The following GALNT13 variants were observed in gnomAD, a reference collection of about 807,000 sequenced individuals.
GALNT13 encodes polypeptide N-acetylgalactosaminyltransferase 13, also known as UDP-GalNAc:polypeptide N-acetylgalactosaminyltransferase 13.
GALNT13 carries 28 observed loss-of-function variants against 64.2 expected under a neutral mutation model. The observed-to-expected ratio is 0.44, with a 90% CI of 0.32 to 0.60. The LOEUF (loss-of-function observed/expected upper bound fraction) is 0.60. Ranked by LOEUF, GALNT13 falls within the 20% of genes least tolerant of loss-of-function variation. The probability of loss-of-function intolerance (pLI) is 0.05; values close to 1 mark genes in which losing one functional copy is unlikely to be tolerated. For missense variants in GALNT13, 577 were observed against 669.8 expected (o/e 0.86, Z 1.53); for synonymous variants, 214 against 224.6 (o/e 0.95, Z 0.42).
intron 3 of GALNT13, among the ~76,000 whole-genome samples, chr2:154,085,782 A>G (rs1278445672): frequency 1.3e-5 from 2 of 152,052 alleles, no homozygotes; most frequent in South Asian, 2.1e-4. Flanking sequence ...GAAGTACGTT[A>G]TAGGTCAGAT....
At chr2:153,355,825 C>A in the GALNT13 span, among the ~76,000 whole-genome samples, 1 of 152,164 alleles carries the variant, frequency 6.6e-6, no homozygotes, top group Non-Finnish European at 1.5e-5. Context: ...GACTGTGTGA[C>A]TCATAATAAG....
At chr2:154,192,195 G>T (rs1382870054) in intron 4 of GALNT13, among the ~76,000 whole-genome samples, 1 of 152,124 alleles carries the variant, frequency 6.6e-6, no homozygotes, top group Non-Finnish European at 1.5e-5. Context: ...TTCTCTCCAC[G>T]TCCAGCCACT....
chr2:153,593,403 C>G, the GALNT13 span: 1 of 152,258 alleles, frequency 6.6e-6, no homozygotes, highest in Admixed American at 6.5e-5. Flanking sequence ...TCACCCCCAT[C>G]CCCCACAGCA....
At chr2:153,336,257 C>A in the GALNT13 span, among the ~76,000 whole-genome samples, 1 of 152,106 alleles carries the variant, frequency 6.6e-6, no homozygotes, top group African/African-American at 2.4e-5. Context: ...AGAGGGCCAT[C>A]GTCCTCCAGA....
At chr2:153,423,256 A>AT in the GALNT13 span, among the ~76,000 whole-genome samples, 292 of 152,046 alleles carry the variant, frequency 1.9e-3, no homozygotes, top group African/African-American at 6.7e-3. Context: ...GAAATTAACA[A>AT]TTTTTAAAAC....
chr2:153,207,618 T>C, the GALNT13 span, among the ~76,000 whole-genome samples: 1 of 152,164 alleles, frequency 6.6e-6, no homozygotes, highest in Admixed American at 6.5e-5. Context: ...AAGAGAAAGA[T>C]AAAGAATTAA....
intron 9 of GALNT13, among the ~76,000 whole-genome samples, chr2:154,358,485 C>T (rs1023734724): frequency 1.7e-4 from 26 of 151,886 alleles, no homozygotes; most frequent in African/African-American, 4.8e-4. Context: ...TTTACAATTC[C>T]GTATATATTA....
the GALNT13 span, among the ~76,000 whole-genome samples, chr2:153,308,617 G>C: frequency 2.0e-5 from 3 of 152,174 alleles, no homozygotes; most frequent in African/African-American, 7.2e-5. Context: ...ATAGCCTAGA[G>C]TTCTTGTTCT....
At chr2:154,149,245 C>T (rs557345789) in intron 4 of GALNT13, among the ~76,000 whole-genome samples, 23 of 152,110 alleles carry the variant, frequency 1.5e-4, no homozygotes, top group East Asian at 1.4e-3. Context: ...TGTAGATATG[C>T]GGCGTTATTT....
rs73965343 is a variant in GALNT13, at chr2:153,987,233, G to A, written c.142+42594G>A. ...ATGCTGATTTCATTTAAATAAAATC[G>A]GGCAAGTCTGTGGGAAGAAGAATTG... is the stretch of plus-strand genomic sequence containing the variant. On this transcript the variant is annotated intron_variant, in intron 3 of 12. Transcript: ENST00000392825. Among the ~76,000 whole-genome samples, 644 of 151,944 alleles carry A rather than the reference G, an allele frequency of 4.2e-3. 6 individuals are homozygous for A. Among genetic ancestry groups the A allele is most frequent in the African/African-American group, 0.015 (628 of 41,516 alleles).
chr2:153,582,262 C>T, the GALNT13 span, among the ~76,000 whole-genome samples: 1 of 152,118 alleles, frequency 6.6e-6, no homozygotes, highest in Non-Finnish European at 1.5e-5. Context: ...TTTCACTTGG[C>T]TTGATTAATG....
the GALNT13 span, among the ~76,000 whole-genome samples, chr2:153,780,795 G>T: frequency 6.6e-6 from 1 of 152,106 alleles, no homozygotes; most frequent in Non-Finnish European, 1.5e-5. Flanking sequence ...CCTGCTCGTT[G>T]TGGCAATAGA....
the GALNT13 span, among the ~76,000 whole-genome samples, chr2:153,424,207 C>T: frequency 2.7e-5 from 4 of 150,792 alleles, no homozygotes; most frequent in Admixed American, 6.6e-5. Flanking sequence ...TATATCCTTA[C>T]TTTATATAAA....
chr2:153,590,323 A>G, the GALNT13 span, among the ~76,000 whole-genome samples: 16 of 152,160 alleles, frequency 1.1e-4, no homozygotes, highest in Non-Finnish European at 1.3e-4. Context: ...GATAGCAAAT[A>G]GTGAGATTGA....
chr2:153,099,976 A>T, the GALNT13 span, among the ~76,000 whole-genome samples: 1 of 152,214 alleles, frequency 6.6e-6, no homozygotes, highest in African/African-American at 2.4e-5. Context: ...TTTGTAACCT[A>T]ATGGCTTTTG....
chr2:154,075,923 A>G (rs1287129079), intron 3 of GALNT13, among the ~76,000 whole-genome samples: 1 of 151,720 alleles, frequency 6.6e-6, no homozygotes, highest in East Asian at 1.9e-4. Context: ...ACATATATAT[A>G]CATATACATT....
the GALNT13 span, among the ~76,000 whole-genome samples, chr2:153,532,028 T>C: frequency 1.3e-5 from 2 of 152,056 alleles, no homozygotes; most frequent in Non-Finnish European, 2.9e-5. Flanking sequence ...GGATCTATCA[T>C]TCCAGATTTT....
the GALNT13 span, among the ~76,000 whole-genome samples, chr2:153,468,945 C>T: frequency 2.6e-5 from 4 of 151,994 alleles, no homozygotes; most frequent in African/African-American, 4.8e-5. Flanking sequence ...GAAAAACTAT[C>T]GCTGAGTAAT....
intron 11 of GALNT13, among the ~76,000 whole-genome samples, chr2:154,411,982 A>G (rs940520935): frequency 6.6e-5 from 10 of 151,818 alleles, no homozygotes; most frequent in African/African-American, 2.4e-4. Flanking sequence ...AACATGGCAC[A>G]TACTAAACAT....
Sources: gnomAD v4.1 joint callset for allele counts (sites outside exome capture counted in the v4.1 genomes callset) on GRCh38, gnomAD v4.1.1 for gene constraint, MANE v1.5 for transcripts, NCBI Gene and HGNC (gene_info 2026-07-23, HGNC 2026-07-21) for gene names.